Variants in RANBP17 observed in about 807,000 individuals in gnomAD.
The protein encoded by RANBP17 is RAN binding protein 17.
A neutral mutation model predicts 141.2 loss-of-function variants in RANBP17; 158 were observed. The ratio of observed to expected loss-of-function variants is 1.12; its 90% CI spans 0.98 to 1.28. RANBP17 has a LOEUF of 1.28. Among genes scored for constraint, RANBP17 ranks in the 50% most tolerant of loss-of-function variants. The probability of loss-of-function intolerance (pLI) is 0.00; values close to 1 mark genes in which losing one functional copy is unlikely to be tolerated. For missense variants in RANBP17, 1,438 were observed against 1,290.7 expected, an observed-to-expected ratio of 1.11 and a Z score of -1.75; for synonymous variants, 430 against 450.0, an observed-to-expected ratio of 0.96 and a Z score of 0.56.
chr5:171,218,428 C>G (rs2127978094), intron 21 of RANBP17, among the ~76,000 whole-genome samples: 1 of 152,242 alleles, frequency 6.6e-6, no homozygotes, highest in African/African-American at 2.4e-5. Flanking sequence ...GAGCTGAGTT[C>G]AAGTCCTAAA....
At chr5:171,036,742 A>G (rs1174176878) in intron 14 of RANBP17, among the ~76,000 whole-genome samples, 1 of 152,198 alleles carries the variant, frequency 6.6e-6, no homozygotes, top group Non-Finnish European at 1.5e-5. Context: ...CTCCAGCTGC[A>G]TCCATGTTAC....
chr5:171,273,028 T>C (rs1767224537), intron 25 of RANBP17, among the ~76,000 whole-genome samples: 1 of 152,240 alleles, frequency 6.6e-6, no homozygotes, highest in African/African-American at 2.4e-5. Flanking sequence ...ACAGCTGTGT[T>C]ATAATGCCCT....
In RANBP17 at chr5:171,086,911, C is replaced by A. The variant is rs1287575137; in HGVS notation, c.1711-83219C>A. Among the ~76,000 whole-genome samples the A allele has an allele frequency of 5.6e-3, 787 of 139,378 alleles. 7 individuals carry two copies. The highest frequency in any genetic ancestry group is 0.02 in the African/African-American group (750 of 36,984). The allele number at this position is 139,378 out of a possible 152,430, so 91.4% of individuals were successfully genotyped here. A position where few individuals can be genotyped will look rare whatever the true frequency, so the allele number is the denominator to read the frequency against. ...CAATTTTGTTGATCCTTTCAAAAAA[C>A]CAGCTCCTGGATTCATTGATTTTTT... On this transcript the variant is annotated intron_variant, in intron 14 of 27. Coordinates refer to ENST00000523189, the MANE Select transcript of RANBP17 (RefSeq NM_022897.5).
intron 13 of RANBP17, among the ~76,000 whole-genome samples, chr5:170,962,319 T>C (rs1776212400): frequency 6.6e-6 from 1 of 152,186 alleles, no homozygotes. Flanking sequence ...CATTGCCTCT[T>C]AGGCAAATGC....
intron 14 of RANBP17, among the ~76,000 whole-genome samples, chr5:171,062,736 A>G (rs1013439123): frequency 2.6e-5 from 4 of 152,128 alleles, no homozygotes; most frequent in African/African-American, 4.8e-5. Flanking sequence ...GTTCTCCTGG[A>G]TAATATCCTG....
At chr5:171,057,039 A>G (rs181432856) in intron 14 of RANBP17, among the ~76,000 whole-genome samples, 20 of 152,264 alleles carry the variant, frequency 1.3e-4, no homozygotes, top group Middle Eastern at 6.8e-3. Context: ...ACAAAACCCT[A>G]TAGACAAATC....
chr5:170,995,160 G>A, intron 14 of RANBP17, among the ~76,000 whole-genome samples: 1 of 151,934 alleles, frequency 6.6e-6, no homozygotes, highest in East Asian at 1.9e-4. Context: ...GATCTTACGT[G>A]GTGATTTTAT....
At chr5:171,061,330 T>C (rs1000087786) in intron 14 of RANBP17, among the ~76,000 whole-genome samples, 1 of 152,168 alleles carries the variant, frequency 6.6e-6, no homozygotes, top group Non-Finnish European at 1.5e-5. Context: ...CACACTGCTT[T>C]GAATGTGTCC....
chr5:171,121,905 G>A (rs917327023), intron 14 of RANBP17, among the ~76,000 whole-genome samples: 8 of 152,196 alleles, frequency 5.3e-5, no homozygotes, highest in East Asian at 1.9e-4. Context: ...GCAGCGTGGG[G>A]TGAGTAGAGG....
At chr5:170,967,934 A>G (rs1776705561) in intron 13 of RANBP17, among the ~76,000 whole-genome samples, 1 of 151,604 alleles carries the variant, frequency 6.6e-6, no homozygotes, top group African/African-American at 2.4e-5. Context: ...AGGGTTTTTT[A>G]TGTGTATGCC....
At chr5:171,032,189 A>G (rs1435082642) in intron 14 of RANBP17, among the ~76,000 whole-genome samples, 1 of 152,124 alleles carries the variant, frequency 6.6e-6, no homozygotes, top group Non-Finnish European at 1.5e-5. Context: ...TGAAGCCCAT[A>G]AGTGCTGCCA....
chr5:171,244,125 C>G (rs1765060406), intron 24 of RANBP17, among the ~76,000 whole-genome samples: 1 of 151,826 alleles, frequency 6.6e-6, no homozygotes, highest in African/African-American at 2.4e-5. Flanking sequence ...GGCACGGTGG[C>G]TCATGCCTGT....
At chr5:170,961,809 C>T (rs1436424331) in intron 13 of RANBP17, among the ~76,000 whole-genome samples, 3 of 152,196 alleles carry the variant, frequency 2.0e-5, no homozygotes, top group Non-Finnish European at 4.4e-5. Context: ...GGCAGCACAT[C>T]TTCAGAGGGC....
At chr5:170,968,564 T>C (rs1462135663) in intron 14 of RANBP17, 187 bp downstream of exon 14, 2 of 646,448 alleles carry the variant, frequency 3.1e-6, no homozygotes, top group Admixed American at 2.2e-5. Flanking sequence ...CCATTTTCTT[T>C]AAAGATTGAG....
intron 14 of RANBP17, among the ~76,000 whole-genome samples, chr5:171,145,544 A>T (rs1157024159): frequency 6.6e-6 from 1 of 152,132 alleles, no homozygotes; most frequent in African/African-American, 2.4e-5. Flanking sequence ...CCATACTTTT[A>T]TCAACAGCTG....
chr5:171,165,355 G>A (rs1759620326), intron 14 of RANBP17, among the ~76,000 whole-genome samples: 1 of 151,886 alleles, frequency 6.6e-6, no homozygotes, highest in Non-Finnish European at 1.5e-5. Context: ...CTAATTTTTT[G>A]TATTTTAGTT....
chr5:171,063,863 A>G (rs962695164), intron 14 of RANBP17, among the ~76,000 whole-genome samples: 3 of 152,218 alleles, frequency 2.0e-5, no homozygotes, highest in African/African-American at 2.4e-5. Flanking sequence ...AGCCTGGGCA[A>G]TGGCGGGCGC....
chr5:171,019,464 A>C (rs1156656119), intron 14 of RANBP17, among the ~76,000 whole-genome samples: 1 of 152,014 alleles, frequency 6.6e-6, no homozygotes, highest in Non-Finnish European at 1.5e-5. Context: ...CAGGGATTGG[A>C]GTTATTCCTG....
intron 5 of RANBP17, among the ~76,000 whole-genome samples, chr5:170,897,569 A>G (rs369227973): frequency 3.4e-5 from 5 of 148,446 alleles, no homozygotes; most frequent in African/African-American, 1.0e-4. Flanking sequence ...TAGCCCCCCA[A>G]CCCCCAACAG....
Sources: gnomAD v4.1 joint callset for allele counts (sites outside exome capture counted in the v4.1 genomes callset) on GRCh38, gnomAD v4.1.1 for gene constraint, MANE v1.5 for transcripts, NCBI Gene and HGNC (gene_info 2026-07-23, HGNC 2026-07-21) for gene names.